KRT19: variants seen among roughly 807,000 people sequenced by gnomAD.
KRT19 encodes keratin, type I cytoskeletal 19.
KRT19 carries 21 observed loss-of-function variants against 34.6 expected under a neutral mutation model. The ratio of observed to expected loss-of-function variants is 0.61; its 90% CI spans 0.43 to 0.87. KRT19 has a LOEUF of 0.87. Among genes scored for constraint, KRT19 ranks in the 40% least tolerant of loss-of-function variants. KRT19 has a pLI of 0.00. For synonymous variants in KRT19, 240 were observed against 245.8 expected (o/e 0.98, Z 0.22); for missense variants, 514 against 545.7 (o/e 0.94, Z 0.58).
At chr17:41,525,084 TA>T in intron 2 of KRT19, 85 bp from the exon 3 acceptor site, 1 of 1,581,208 alleles carries the variant, frequency 6.3e-7, no homozygotes, top group South Asian at 1.1e-5. Context: ...CAGGAGTCCA[TA>T]GGGGGGTTAG....
chr17:41,527,708 G>A (rs1905915224), intron 1 of KRT19, 120 bp downstream of exon 1: 6 of 1,111,862 alleles, frequency 5.4e-6, no homozygotes, highest in Non-Finnish European at 7.5e-6. Flanking sequence ...CCCCACCTGT[G>A]GACCTTCCCA....
At chr17:41,527,153 A>ATGCAGATC (rs1485858992) in intron 1 of KRT19, among the ~76,000 whole-genome samples, 2 of 53,110 alleles carry the variant, frequency 3.8e-5, no homozygotes, top group East Asian at 2.6e-3. Context: ...AGAGCGTGTG[A>ATGCAGATC]CGCAGATCCG....
At chr17:41,527,294 G>A (rs902447845) in intron 1 of KRT19, among the ~76,000 whole-genome samples, 3 of 152,244 alleles carry the variant, frequency 2.0e-5, no homozygotes, top group Non-Finnish European at 2.9e-5. Context: ...GGGCCCCAGG[G>A]CGGGAGAGTG....
In KRT19 at chr17:41,528,075, G is replaced by A. The variant is rs756597009; in HGVS notation, c.173C>T (p.Ser58Leu). The A allele has an allele frequency of 6.2e-7, 1 of 1,609,886 alleles. No homozygotes were observed. The change falls in exon 1 of 6, where the codon TCG becomes TTG. Residue 58 changes from serine to leucine, a missense_variant. Transcript: ENST00000361566. ...GCCGTAGCCGCCGCCGTAGGCCCCCGAGGAGGACGAGGACACAAAGCGGGC... is the reference window on the plus strand; with the variant it reads ...GCCGTAGCCGCCGCCGTAGGCCCCCAAGGAGGACGAGGACACAAAGCGGGC... ...SSARFVSSSS[S>L]GAYGGGYGGV...
Position 41,524,948 on chromosome 17 carries a change from GC to G in KRT19, c.554del (p.Gly185AlafsTer9), listed in dbSNP as rs757676074. 29 of 1,614,110 alleles carry G rather than the reference GC, an allele frequency of 1.8e-5. 1 individual carries two copies. In the South Asian group the frequency reaches 3.1e-4, roughly 17 times the overall value. ...TCAGCTCATCCAGCACCCTGCGCAG[GC>G]CGTTGATGTCGGCCTCCACGCTCAT... ...LRMSVEADIN[G>X]LRRVLDELTL... On this transcript the variant is annotated frameshift_variant, in exon 3 of 6. Coordinates refer to ENST00000361566, the MANE Select transcript of KRT19 (RefSeq NM_002276.5). LOFTEE classifies it high-confidence loss of function.
Position 41,524,230 on chromosome 17 carries a change from C to T in KRT19, c.861G>A (p.Glu287=), listed in dbSNP as rs1417780180. The change falls in exon 5 of 6, where the codon GAG becomes GAA. Residue 287 remains glutamate (E), a synonymous_variant. Coordinates refer to ENST00000361566, the MANE Select transcript of KRT19 (RefSeq NM_002276.5). ...ELNREVAGHT[E]QLQMSRSEVT... ...CCTCGGACCTGCTCATCTGGAGCTG[C>T]TCCGTGTGGCCAGCGACCTCCCGGT... 1 of 1,614,110 alleles carries T rather than the reference C, an allele frequency of 6.2e-7. No homozygotes were observed. Among genetic ancestry groups the T allele is most frequent in the Non-Finnish European group, 8.5e-7 (1 of 1,180,000 alleles).
chr17:41,523,665 G>A lies in KRT19; in HGVS notation c.*78C>T, dbSNP rs1251361891. The stretch of plus-strand genomic sequence containing the variant: ...TGGCAGGTCAGGAGAAGAGCCGGGG[G>A]TAAGGGTCCCTTCCTTCCCATCCCT... On this transcript the variant is annotated 3_prime_UTR_variant, in exon 6 of 6. Transcript: ENST00000361566. 8 of 1,454,618 alleles carry A rather than the reference G, an allele frequency of 5.5e-6. No individual in the cohort carries two copies. The highest frequency in any genetic ancestry group is 4.1e-4 in the Middle Eastern group (2 of 4,912). The allele number at this position is 1,454,618 out of a possible 1,614,324, so 90.1% of individuals were successfully genotyped here.
intron 4 of KRT19, 54 bp from the exon 5 acceptor site, chr17:41,524,322 G>A: frequency 7.4e-6 from 12 of 1,611,566 alleles, no homozygotes; most frequent in Non-Finnish European, 1.0e-5. Flanking sequence ...TTCGCGTAGG[G>A]AACACAAAGC....
At position 41,527,176 on chromosome 17, in the gene KRT19, C is replaced by A. The variant is rs539562157; in HGVS notation, c.420+652G>T. On this transcript the variant is annotated intron_variant, in intron 1 of 5. Transcript: ENST00000361566. ...TGACGCAGATCCGTTCTTTCCCCGA[C>A]AAGGAGCTGCCACTGTACTGGGTCC... is the stretch of plus-strand genomic sequence containing the variant. Among the ~76,000 whole-genome samples, 43 of 55,080 alleles carry A rather than the reference C, an allele frequency of 7.8e-4. No individual in the cohort carries two copies. In the Admixed American group the frequency reaches 1.0e-2, roughly 13 times the overall value. The allele number at this position is 55,080 out of a possible 152,430, so 36.1% of individuals were successfully genotyped here. A position where few individuals can be genotyped will look rare whatever the true frequency, so the allele number is the denominator to read the frequency against.
chr17:41,524,622 C>T, intron 3 of KRT19, 82 bp from the exon 4 acceptor site: 8 of 1,489,354 alleles, frequency 5.4e-6, no homozygotes, highest in Non-Finnish European at 7.4e-6. Context: ...ACCCTTCAGG[C>T]TAAAGGGGCT....
At chr17:41,525,068 A>G in intron 2 of KRT19, 69 bp from the exon 3 acceptor site, 1 of 1,590,962 alleles carries the variant, frequency 6.3e-7, no homozygotes, top group Middle Eastern at 1.7e-4. Flanking sequence ...CTACCTCCCC[A>G]GAGTTCAGGA....
intron 1 of KRT19, among the ~76,000 whole-genome samples, chr17:41,527,239 C>T (rs1905899006): frequency 6.6e-6 from 1 of 152,222 alleles, no homozygotes. Flanking sequence ...CTCCTTTACC[C>T]CGCCCAGGGG....
intron 1 of KRT19, 28 bp downstream of exon 1, chr17:41,527,800 C>T (rs1209678913): frequency 6.5e-7 from 1 of 1,547,434 alleles, no homozygotes; most frequent in East Asian, 2.3e-5. Context: ...AGGTGCACTG[C>T]ACTTCCCGCG....
chr17:41,526,128 C>G (rs769291019), intron 1 of KRT19, among the ~76,000 whole-genome samples: 2 of 151,998 alleles, frequency 1.3e-5, no homozygotes, highest in African/African-American at 2.4e-5. Context: ...CCCTCCACCA[C>G]GCCCAGCTAA....
At chr17:41,526,372 A>G (rs78714899) in intron 1 of KRT19, among the ~76,000 whole-genome samples, 2,647 of 151,934 alleles carry the variant, frequency 0.017, 67 homozygotes, top group African/African-American at 0.06. Flanking sequence ...GTGTGTGTGC[A>G]TGTGCACGCA....
At position 41,524,483 on chromosome 17, in the gene KRT19, C is replaced by A. The variant is rs374424990; in HGVS notation, c.718G>T (p.Ala240Ser). The A allele has an allele frequency of 1.2e-6, 2 of 1,614,104 alleles. No homozygotes were observed. Among genetic ancestry groups the A allele is most frequent in the Middle Eastern group, 1.6e-4 (1 of 6,062 alleles). Residue 240 changes from alanine to serine, a missense_variant, in exon 4 of 6, where the codon GCT becomes TCT. Coordinates refer to ENST00000361566, the MANE Select transcript of KRT19 (RefSeq NM_002276.5). ...GGQVSVEVDS[A>S]PGTDLAKILS... ...ATCTTGGCGAGATCGGTGCCCGGAGCGGAATCCACCTCCACACTGACCTGG... is the reference window on the plus strand; with the variant it reads ...ATCTTGGCGAGATCGGTGCCCGGAGAGGAATCCACCTCCACACTGACCTGG...
At chr17:41,525,166 CA>C in intron 2 of KRT19, 24 bp downstream of exon 2, 2 of 1,599,836 alleles carry the variant, frequency 1.3e-6, no homozygotes, top group South Asian at 1.1e-5. Context: ...CTGGCTTCTG[CA>C]GCCCCCAGGA....
Position 41,527,148 on chromosome 17 carries a change from G to C in KRT19, c.420+680C>G, listed in dbSNP as rs974023337. On this transcript the variant is annotated intron_variant, in intron 1 of 5. Coordinates refer to ENST00000361566, the MANE Select transcript of KRT19 (RefSeq NM_002276.5). ...CCCCTTAGGGTTCCCCTGTAAGAGC[G>C]TGTGACGCAGATCCGTTCTTTCCCC... Among the ~76,000 whole-genome samples the C allele has an allele frequency of 1.3e-4, 8 of 62,378 alleles. No individual in the cohort carries two copies. The East Asian group carries it at 0.011, about 89-fold the overall frequency. The allele number at this position is 62,378 out of a possible 152,430, so 40.9% of individuals were successfully genotyped here.
intron 1 of KRT19, 116 bp downstream of exon 1, chr17:41,527,712 C>T: frequency 8.5e-7 from 1 of 1,173,354 alleles, no homozygotes; most frequent in Non-Finnish European, 1.2e-6. Context: ...ACCTGTGGAC[C>T]TTCCCACGTC....
Sources: allele counts gnomAD v4.1 joint callset (sites outside exome capture counted in the v4.1 genomes callset), GRCh38; gene constraint gnomAD v4.1.1; transcripts MANE v1.5; gene names NCBI Gene and HGNC (gene_info 2026-07-23, HGNC 2026-07-21).